The following KAZN variants were observed in gnomAD, a reference collection of about 807,000 sequenced individuals.
KAZN encodes the protein kazrin.
Under a neutral mutation model 87.4 loss-of-function variants are expected in KAZN, and 40 were observed. That is an observed-to-expected ratio of 0.46 (90% CI 0.36 to 0.60). The LOEUF is 0.60. Among genes scored for constraint, KAZN ranks in the 20% least tolerant of loss-of-function variants. KAZN has a pLI of 0.00. For missense variants in KAZN, 898 were observed against 1,073.9 expected, an observed-to-expected ratio of 0.84 and a Z score of 2.29; for synonymous variants, 466 against 458.3, an observed-to-expected ratio of 1.02 and a Z score of -0.22.
intron 8 of KAZN, among the ~76,000 whole-genome samples, chr1:15,093,242 C>G (rs1056228660): frequency 3.3e-5 from 5 of 152,156 alleles, no homozygotes; most frequent in African/African-American, 1.2e-4. Context: ...AATGCACGCA[C>G]CCCGTAAGCA....
chr1:14,198,302 CAA>C (rs961405269), intron 2 of KAZN, among the ~76,000 whole-genome samples: 9 of 152,032 alleles, frequency 5.9e-5, no homozygotes, highest in African/African-American at 1.9e-4. Flanking sequence ...TAGATGATGG[CAA>C]AAAGACTTGA....
chr1:14,086,747 A>G (rs1408789553), intron 1 of KAZN, among the ~76,000 whole-genome samples: 1 of 152,190 alleles, frequency 6.6e-6, no homozygotes, highest in African/African-American at 2.4e-5. Flanking sequence ...TGTACATAGT[A>G]TGAGGGAAGG....
At chr1:14,249,188 G>A (rs1046903291) in intron 2 of KAZN, among the ~76,000 whole-genome samples, 5 of 152,260 alleles carry the variant, frequency 3.3e-5, no homozygotes, top group South Asian at 2.1e-4. Context: ...AGCAGTTGTT[G>A]TTCTACACCA....
intron 5 of KAZN, among the ~76,000 whole-genome samples, chr1:15,057,031 G>A (rs1232011293): frequency 6.6e-6 from 1 of 152,250 alleles, no homozygotes; most frequent in East Asian, 1.9e-4. Flanking sequence ...AAGGCTGCAG[G>A]CTGGGCTGGC....
At chr1:13,954,249 A>C (rs956221307) in intron 1 of KAZN, among the ~76,000 whole-genome samples, 1 of 152,164 alleles carries the variant, frequency 6.6e-6, no homozygotes, top group African/African-American at 2.4e-5. Flanking sequence ...AACCAAACAA[A>C]CAAACAAAAA....
At chr1:14,040,690 G>A (rs954107200) in intron 1 of KAZN, among the ~76,000 whole-genome samples, 3 of 151,992 alleles carry the variant, frequency 2.0e-5, no homozygotes, top group African/African-American at 7.3e-5. Context: ...ACTTGAACTC[G>A]GGAGGCGGAG....
At chr1:14,969,658 G>T (rs1320911673) in intron 2 of KAZN, among the ~76,000 whole-genome samples, 3 of 152,188 alleles carry the variant, frequency 2.0e-5, no homozygotes, top group African/African-American at 7.2e-5. Flanking sequence ...GATAATAATT[G>T]ATGGTCAGGT....
At chr1:14,492,091 C>T (rs1298601104) in intron 2 of KAZN, among the ~76,000 whole-genome samples, 1 of 152,144 alleles carries the variant, frequency 6.6e-6, no homozygotes. Flanking sequence ...TCTGAACTGG[C>T]CACTGCTGTG....
At chr1:14,435,845 G>T (rs1666353629) in intron 2 of KAZN, among the ~76,000 whole-genome samples, 1 of 151,588 alleles carries the variant, frequency 6.6e-6, no homozygotes, top group Non-Finnish European at 1.5e-5. Context: ...AATGGGGATG[G>T]TGACAGGGCC....
intron 1 of KAZN, among the ~76,000 whole-genome samples, chr1:14,926,623 A>T (rs939537315): frequency 6.6e-6 from 1 of 152,198 alleles, no homozygotes; most frequent in South Asian, 2.1e-4. Flanking sequence ...AACTTCCATG[A>T]TGGCTAGGCA....
At chr1:13,999,304 C>T (rs542050999) in intron 1 of KAZN, among the ~76,000 whole-genome samples, 40 of 151,836 alleles carry the variant, frequency 2.6e-4, no homozygotes, top group Middle Eastern at 3.4e-3. Context: ...GCCAAGATCA[C>T]GCCATTGCGC....
At chr1:15,102,260 A>G (rs192832115) in intron 11 of KAZN, among the ~76,000 whole-genome samples, 271 of 152,340 alleles carry the variant, frequency 1.8e-3, no homozygotes, top group Non-Finnish European at 2.9e-3. Context: ...AAAAGAAAAA[A>G]AGAAAACCCA....
chr1:14,804,978 T>C (rs1646159311), intron 1 of KAZN, among the ~76,000 whole-genome samples: 1 of 152,198 alleles, frequency 6.6e-6, no homozygotes, highest in Admixed American at 6.5e-5. Context: ...ATTTTAATTA[T>C]TTCCTTTTCA....
intron 1 of KAZN, among the ~76,000 whole-genome samples, chr1:14,679,371 C>T (rs1307220478): frequency 6.6e-6 from 1 of 151,782 alleles, no homozygotes; most frequent in African/African-American, 2.4e-5. Context: ...TAGTTGAGCT[C>T]TGGGGTGCAG....
At chr1:14,177,434 C>G (rs1008315947) in intron 1 of KAZN, among the ~76,000 whole-genome samples, 4 of 152,176 alleles carry the variant, frequency 2.6e-5, no homozygotes, top group African/African-American at 9.6e-5. Flanking sequence ...TTTAACCTTT[C>G]TTTTAGTGCA....
At chr1:14,467,674 C>CAAAAAAAAAA (rs36034022) in intron 2 of KAZN, among the ~76,000 whole-genome samples, 1 of 77,340 alleles carries the variant, frequency 1.3e-5, no homozygotes, top group Non-Finnish European at 2.5e-5. Context: ...ATCCAAAAGG[C>CAAAAAAAAAA]AAAAAAAAAA....
intron 2 of KAZN, among the ~76,000 whole-genome samples, chr1:15,033,100 T>G (rs1671895915): frequency 6.6e-6 from 1 of 152,202 alleles, no homozygotes; most frequent in South Asian, 2.1e-4. Flanking sequence ...CTAGGTATTG[T>G]AAGTGATCTA....
intron 2 of KAZN, among the ~76,000 whole-genome samples, chr1:14,452,734 C>T (rs1480778396): frequency 6.6e-6 from 1 of 152,120 alleles, no homozygotes; most frequent in Non-Finnish European, 1.5e-5. Flanking sequence ...AGTTAAGTTG[C>T]CCTTGACCGC....
chr1:14,405,606 ATG>A (rs111850452), intron 2 of KAZN, among the ~76,000 whole-genome samples: 9,400 of 136,152 alleles, frequency 0.069, 315 homozygotes, highest in Middle Eastern at 0.14. Flanking sequence ...ACCCAATAAA[ATG>A]TGTGTGTGTG....
Sources: allele counts gnomAD v4.1 joint callset (sites outside exome capture counted in the v4.1 genomes callset), GRCh38; gene constraint gnomAD v4.1.1; transcripts MANE v1.5; gene names NCBI Gene and HGNC (gene_info 2026-07-23, HGNC 2026-07-21).